The following TBC1D5 variants were observed in gnomAD, a reference collection of about 807,000 sequenced individuals.
The protein encoded by TBC1D5 is TBC1 domain family member 5.
A neutral mutation model predicts 100.3 loss-of-function variants in TBC1D5; 75 were observed. The observed-to-expected ratio is 0.75, with a 90% CI of 0.62 to 0.91. TBC1D5 has a LOEUF of 0.91. Ranked by LOEUF, TBC1D5 falls within the 40% of genes least tolerant of loss-of-function variation. The pLI is 0.00. For synonymous variants in TBC1D5, 323 were observed against 325.6 expected (o/e 0.99, Z 0.09); for missense variants, 910 against 942.4 (o/e 0.97, Z 0.45).
intron 1 of TBC1D5, among the ~76,000 whole-genome samples, chr3:17,717,555 A>G (rs2075341000): frequency 6.6e-6 from 1 of 152,178 alleles, no homozygotes; most frequent in African/African-American, 2.4e-5. Context: ...AACTTTGTAC[A>G]TGGCTTGTTC....
intron 3 of TBC1D5, among the ~76,000 whole-genome samples, chr3:17,486,113 T>C (rs982911243): frequency 2.6e-5 from 4 of 152,176 alleles, no homozygotes; most frequent in Non-Finnish European, 5.9e-5. Flanking sequence ...CATTTTTTCA[T>C]GTGTCTTTTG....
chr3:17,217,886 T>G (rs1300348139), intron 17 of TBC1D5, among the ~76,000 whole-genome samples: 1 of 152,068 alleles, frequency 6.6e-6, no homozygotes, highest in African/African-American at 2.4e-5. Context: ...CTACCTATTT[T>G]TTCTTTTGTT....
At chr3:17,629,476 G>A (rs1228796604) in intron 1 of TBC1D5, among the ~76,000 whole-genome samples, 1 of 152,086 alleles carries the variant, frequency 6.6e-6, no homozygotes, top group African/African-American at 2.4e-5. Flanking sequence ...AAAGGTAGAG[G>A]GAGGAAAAAA....
intron 2 of TBC1D5, among the ~76,000 whole-genome samples, chr3:17,589,558 C>T (rs2096753097): frequency 6.6e-6 from 1 of 152,206 alleles, no homozygotes; most frequent in South Asian, 2.1e-4. Flanking sequence ...GTGAGACATG[C>T]TTTCACCTTC....
At chr3:17,220,962 ACC>A (rs2074217548) in intron 17 of TBC1D5, among the ~76,000 whole-genome samples, 1 of 152,082 alleles carries the variant, frequency 6.6e-6, no homozygotes, top group Non-Finnish European at 1.5e-5. Context: ...ATTGACTTAT[ACC>A]CCTCCAGTGT....
intron 2 of TBC1D5, among the ~76,000 whole-genome samples, chr3:17,553,325 G>C (rs1229325329): frequency 6.6e-6 from 1 of 152,028 alleles, no homozygotes; most frequent in East Asian, 1.9e-4. Flanking sequence ...TGTTACACTG[G>C]CAAAAATCCA....
At chr3:17,205,741 T>G (rs1358980065) in intron 18 of TBC1D5, among the ~76,000 whole-genome samples, 1 of 152,066 alleles carries the variant, frequency 6.6e-6, no homozygotes, top group Non-Finnish European at 1.5e-5. Context: ...GCTGGGGAAT[T>G]CCCAAGTAGA....
At position 17,428,600 on chromosome 3, in the gene TBC1D5, A is replaced by C. The variant is rs541893793; in HGVS notation, c.98-81T>G. The C allele has an allele frequency of 4.0e-5, 25 of 621,132 alleles. No homozygotes were observed. In the South Asian group the frequency reaches 9.1e-4, roughly 23 times the overall value. 38.5% of individuals were successfully genotyped at this position (621,132 alleles called of 1,614,324 possible). A position where few individuals can be genotyped will look rare whatever the true frequency, so the allele number is the denominator to read the frequency against. ...GAAAAACTGTGTGAAAGCTCTACGCAATATATTAGCCAAAAAGCATACATC... is the reference window on the plus strand; with the variant it reads ...GAAAAACTGTGTGAAAGCTCTACGCCATATATTAGCCAAAAAGCATACATC... On this transcript the variant is annotated intron_variant, in intron 3 of 21. Coordinates refer to ENST00000253692, the Ensembl canonical transcript of TBC1D5.
intron 13 of TBC1D5, among the ~76,000 whole-genome samples, chr3:17,331,683 A>G (rs771063536): frequency 6.6e-6 from 1 of 152,234 alleles, no homozygotes; most frequent in African/African-American, 2.4e-5. Flanking sequence ...ATGTTAATAA[A>G]GAAGTACTTA....
chr3:17,518,310 C>A (rs187322201), intron 2 of TBC1D5, among the ~76,000 whole-genome samples: 23 of 152,300 alleles, frequency 1.5e-4, no homozygotes, highest in African/African-American at 5.5e-4. Flanking sequence ...GCCCCTTCAT[C>A]CTGTGCCTAT....
In TBC1D5 at chr3:17,417,340, C is replaced by G. The variant is rs9830582; in HGVS notation, c.168-10814G>C. ...ATATCTCCTAATGCTATCCCTCCCC[C>G]CTCCCCCTACCCCACAACAGTAACC... On this transcript the variant is annotated intron_variant, in intron 4 of 21. Transcript: ENST00000253692. Among the ~76,000 whole-genome samples, 18 of 138,740 alleles carry G rather than the reference C, an allele frequency of 1.3e-4. No individual in the cohort carries two copies. In the South Asian group the frequency reaches 3.0e-3, roughly 23 times the overall value. The allele number at this position is 138,740 out of a possible 152,430, so 91.0% of individuals were successfully genotyped here.
intron 2 of TBC1D5, among the ~76,000 whole-genome samples, chr3:17,510,784 G>A (rs1288482585): frequency 1.3e-5 from 2 of 152,012 alleles, no homozygotes; most frequent in Non-Finnish European, 2.9e-5. Context: ...CCAAAAACTA[G>A]TCTAAATGTT....
At chr3:17,376,648 G>A (rs1385067645) in intron 9 of TBC1D5, 35 bp from the exon 10 acceptor site, 1 of 1,579,474 alleles carries the variant, frequency 6.3e-7, no homozygotes, top group East Asian at 2.2e-5. Flanking sequence ...GAAAGAGATG[G>A]ATACTCAGAG....
chr3:17,621,209 A>G (rs763870807), intron 2 of TBC1D5, among the ~76,000 whole-genome samples: 6 of 152,326 alleles, frequency 3.9e-5, no homozygotes, highest in Admixed American at 6.5e-5. Flanking sequence ...GTATGTGTCC[A>G]TGTATGTTTT....
At chr3:17,238,684 T>G (rs996369710) in intron 16 of TBC1D5, among the ~76,000 whole-genome samples, 1 of 152,182 alleles carries the variant, frequency 6.6e-6, no homozygotes, top group African/African-American at 2.4e-5. Context: ...TATGAGGACA[T>G]AACTGCCCCA....
chr3:17,609,240 T>C (rs2061521626), intron 2 of TBC1D5, among the ~76,000 whole-genome samples: 1 of 152,228 alleles, frequency 6.6e-6, no homozygotes, highest in Non-Finnish European at 1.5e-5. Flanking sequence ...GCTGCTTACT[T>C]AACTGGTCAA....
At chr3:17,480,333 G>C (rs1337996600) in intron 3 of TBC1D5, among the ~76,000 whole-genome samples, 1 of 152,226 alleles carries the variant, frequency 6.6e-6, no homozygotes, top group East Asian at 1.9e-4. Context: ...CAGCTCCCCA[G>C]TGAAGCCCCG....
At chr3:17,262,041 T>C (rs914112113) in intron 15 of TBC1D5, among the ~76,000 whole-genome samples, 1 of 152,364 alleles carries the variant, frequency 6.6e-6, no homozygotes, top group Middle Eastern at 3.4e-3. Flanking sequence ...TTTAACATTA[T>C]GTCTTCATCT....
intron 13 of TBC1D5, among the ~76,000 whole-genome samples, chr3:17,328,046 G>A (rs186982694): frequency 3.1e-4 from 47 of 152,222 alleles, no homozygotes; most frequent in African/African-American, 1.1e-3. Context: ...AAGATGGGGG[G>A]ATAGCTTAAG....
Sources: gnomAD v4.1 joint callset for allele counts (sites outside exome capture counted in the v4.1 genomes callset) on GRCh38, gnomAD v4.1.1 for gene constraint, MANE v1.5 for transcripts, NCBI Gene and HGNC (gene_info 2026-07-23, HGNC 2026-07-21) for gene names.